The following STXBP2 variants were observed in gnomAD, a reference collection of about 807,000 sequenced individuals.
The protein encoded by STXBP2 is syntaxin-binding protein 2.
Under a neutral mutation model 72.2 loss-of-function variants are expected in STXBP2, and 47 were observed. That is an observed-to-expected ratio of 0.65 (90% CI 0.51 to 0.83). The LOEUF (loss-of-function observed/expected upper bound fraction) is 0.83. STXBP2 is among the 40% of genes least tolerant of loss of function. The probability of loss-of-function intolerance (pLI) is 0.00; values close to 1 mark genes in which losing one functional copy is unlikely to be tolerated. For missense variants in STXBP2, 702 were observed against 807.6 expected (o/e 0.87, Z 1.58); for synonymous variants, 367 against 338.7 (o/e 1.08, Z -0.92).
rs776600326 is a variant in STXBP2 at position 7,643,147 on chromosome 19, C to CCACCCTG, written c.1027-8_1027-2dup. ...CTCAGCCTTTGTTATCCCCCAACCC[C>CCACCCTG]CACCCTGCACCCTGCAGTATTCTAC... On this transcript the variant is annotated splice_polypyrimidine_tract_variant and intron_variant, in intron 12 of 18. Coordinates refer to ENST00000221283, the MANE Select transcript of STXBP2 (RefSeq NM_006949.4). The CCACCCTG allele has an allele frequency of 3.9e-4, 625 of 1,614,126 alleles. 2 individuals carry two copies. The highest frequency in any genetic ancestry group is 1.8e-4 in the East Asian group (8 of 44,888).
In STXBP2 at chr19:7,638,730, T is replaced by C. The variant is rs1173359887; in HGVS notation, c.42T>C (p.Ile14=). ...SGLKAVVGEK[I]LSGVIRSVKK... is the part of the protein sequence containing the mutation. ...CCTCCCCTCCCTTCCCTGCAGAAATTCTGAGCGGAGTTATTCGGAGTGTCA... is the reference window on the plus strand; with the variant it reads ...CCTCCCCTCCCTTCCCTGCAGAAATCCTGAGCGGAGTTATTCGGAGTGTCA... The change falls in exon 2 of 19, where the codon ATT becomes ATC. Residue 14 remains isoleucine, a synonymous_variant. Coordinates refer to ENST00000221283, the MANE Select transcript of STXBP2 (RefSeq NM_006949.4). 6.2e-7 allele frequency: 1 copy of C among 1,613,984 alleles called. No individual in the cohort carries two copies. Among genetic ancestry groups the C allele is most frequent in the South Asian group, 1.1e-5 (1 of 91,068 alleles).
chr19:7,636,698 GGCT>G (rs886123582), upstream of STXBP2: 83 of 160,916 alleles, frequency 5.2e-4, no homozygotes, highest in Middle Eastern at 2.5e-3. Flanking sequence ...TATCCAAGAC[GGCT>G]GCTGCTGCTG....
intron 4 of STXBP2, 105 bp downstream of exon 4, chr19:7,639,912 G>A (rs1331860367): frequency 1.6e-5 from 21 of 1,274,576 alleles, no homozygotes; most frequent in East Asian, 9.9e-5. Context: ...GTGTATACGT[G>A]TGCATGTGTC....
chr19:7,646,677 A>C, intron 16 of STXBP2: 1 of 436,692 alleles, frequency 2.3e-6, no homozygotes, highest in Non-Finnish European at 4.2e-6. Context: ...ATCCAATGGC[A>C]ATGGGCCTGG....
At chr19:7,632,371 A>G, upstream of STXBP2, 1 of 1,613,192 alleles carries the variant, frequency 6.2e-7, no homozygotes. The surrounding 1 kb of genome is among the most constrained non-coding windows in gnomAD (Gnocchi z 5.2). Flanking sequence ...TTTCTCCTCG[A>G]CATCGCCAGA....
intron 3 of STXBP2, 172 bp from the exon 4 acceptor site, chr19:7,639,559 G>A: frequency 1.5e-6 from 1 of 686,388 alleles, no homozygotes; most frequent in Non-Finnish European, 2.6e-6. Flanking sequence ...CACAACCCCT[G>A]CAGAACCCTG....
intron 15 of STXBP2, chr19:7,646,001 A>G (rs965134320): frequency 8.8e-6 from 5 of 568,046 alleles, no homozygotes; most frequent in Middle Eastern, 4.7e-4. Context: ...CTCTTTGCCT[A>G]TCTCTGCCTC....
chr19:7,632,717 G>T (rs1339824346), upstream of STXBP2: 5 of 1,557,356 alleles, frequency 3.2e-6, no homozygotes, highest in Admixed American at 9.4e-5. The surrounding 1 kb of genome is among the most constrained non-coding windows in gnomAD (Gnocchi z 5.2). Flanking sequence ...CATGCTCACG[G>T]CTCTTGGTGG....
upstream of STXBP2, chr19:7,633,643 C>T (rs529608810): frequency 1.8e-4 from 115 of 630,400 alleles, no homozygotes; most frequent in African/African-American, 1.6e-3. Context: ...TTGCCCACAA[C>T]GATGCTGGAT....
At position 7,639,723 on chromosome 19, in the gene STXBP2, C is replaced by A; in HGVS notation, c.170-8C>A. ...ACCCACCTGTGTCCCTTCCTCTGTT[C>A]CTACTAGTTGTTGAAGACATCAACA... On this transcript the variant is annotated splice_polypyrimidine_tract_variant and splice_region_variant and intron_variant, in intron 3 of 18. Transcript: ENST00000221283. The A allele has an allele frequency of 6.2e-7, 1 of 1,612,370 alleles. No individual in the cohort carries two copies. The highest frequency in any genetic ancestry group is 1.1e-5 in the South Asian group (1 of 90,878).
Position 7,645,187 on chromosome 19 carries a change from C to A in STXBP2, c.1247-10C>A. On this transcript the variant is annotated splice_polypyrimidine_tract_variant and intron_variant, in intron 14 of 18. Transcript: ENST00000221283. ...CCGCCGCCTCCACCCTGCCCATTCCCGTCCCCCAGGTGTGAGTGAGGAGAA... is the reference window on the plus strand; with the variant it reads ...CCGCCGCCTCCACCCTGCCCATTCCAGTCCCCCAGGTGTGAGTGAGGAGAA... The A allele has an allele frequency of 1.9e-6, 3 of 1,555,266 alleles. No homozygotes were observed. Among genetic ancestry groups the A allele is most frequent in the East Asian group, 4.8e-5 (2 of 41,324 alleles).
In STXBP2 at chr19:7,642,504, G is replaced by A; in HGVS notation, c.870G>A (p.Glu290=). ...LLDEDDDLWV[E]LRHMHIADVS... is the part of the protein sequence containing the mutation. The stretch of plus-strand genomic sequence containing the variant: ...ACGAGGACGATGACTTGTGGGTGGA[G>A]CTTCGCCACATGCATATCGCAGATG... The change falls in exon 10 of 19, where the codon GAG becomes GAA. Residue 290 remains glutamate, a synonymous_variant. Coordinates refer to ENST00000221283, the MANE Select transcript of STXBP2 (RefSeq NM_006949.4). This position sits in a 1 kb window ranked among gnomAD's most constrained non-coding sequence, Gnocchi z 6.0. 3.1e-6 allele frequency: 5 copies of A among 1,614,050 alleles called. No individual in the cohort carries two copies. The highest frequency in any genetic ancestry group is 4.2e-6 in the Non-Finnish European group (5 of 1,180,024).
Position 7,642,564 on chromosome 19 carries a change from C to T in STXBP2, c.902+28C>T, listed in dbSNP as rs753081270. On this transcript the variant is annotated intron_variant, in intron 10 of 18. Transcript: ENST00000221283. The surrounding 1 kb of genome is among the most constrained non-coding windows in gnomAD (Gnocchi z 6.0). Reference sequence around the variant, plus strand: ...GCGTGCACACGGGGACCGGATCCCCCCCCCACCGCCCACTGTGGGCCTGGT... The same window carrying T: ...GCGTGCACACGGGGACCGGATCCCCTCCCCACCGCCCACTGTGGGCCTGGT... 1.9e-6 allele frequency: 3 copies of T among 1,610,100 alleles called. No homozygotes were observed. Among genetic ancestry groups the T allele is most frequent in the African/African-American group, 1.3e-5 (1 of 74,990 alleles).
At chr19:7,631,442 C>A in the STXBP2 span, 3 of 1,523,334 alleles carry the variant, frequency 2.0e-6, no homozygotes, top group Admixed American at 2.0e-5. Context: ...CCCCTCCCCC[C>A]TTCCTGTCCC....
upstream of STXBP2, chr19:7,632,055 T>C (rs2031334289): frequency 5.9e-6 from 3 of 510,714 alleles, no homozygotes; most frequent in East Asian, 9.4e-5. The surrounding 1 kb of genome is among the most constrained non-coding windows in gnomAD (Gnocchi z 5.2). Context: ...CAGATGTGAG[T>C]ATACAGATGT....
upstream of STXBP2, chr19:7,633,036 C>T (rs2031396974): frequency 1.4e-6 from 2 of 1,425,798 alleles, no homozygotes; most frequent in South Asian, 1.5e-5. Flanking sequence ...GCCCCAGGGG[C>T]CCTGGCCAGC....
upstream of STXBP2, chr19:7,632,727 G>T (rs1475409532): frequency 2.6e-6 from 4 of 1,559,908 alleles, no homozygotes; most frequent in Admixed American, 3.7e-5. This position sits in a 1 kb window ranked among gnomAD's most constrained non-coding sequence, Gnocchi z 5.2. Flanking sequence ...GCTCTTGGTG[G>T]TCTGGCCCGG....
At chr19:7,633,109 A>G, upstream of STXBP2, 5 of 1,064,128 alleles carry the variant, frequency 4.7e-6, no homozygotes, top group Non-Finnish European at 6.6e-6. Context: ...GCCGTCCTAG[A>G]TTGGGGCCTG....
intron 4 of STXBP2, 113 bp downstream of exon 4, chr19:7,639,920 G>GT (rs2031728674): frequency 4.2e-6 from 5 of 1,195,532 alleles, no homozygotes; most frequent in Non-Finnish European, 6.0e-6. Flanking sequence ...GTGTGCATGT[G>GT]TCCATGTGTA....
Sources: allele counts gnomAD v4.1 joint callset, GRCh38; gene constraint gnomAD v4.1.1; non-coding constraint Gnocchi (gnomAD v3.1); transcripts MANE v1.5; gene names NCBI Gene and HGNC (gene_info 2026-07-23, HGNC 2026-07-21).